HMCN1: variants seen among roughly 807,000 people sequenced by gnomAD.
HMCN1 encodes the protein hemicentin-1.
HMCN1 carries 321 observed loss-of-function variants against 625.9 expected under a neutral mutation model. That is an observed-to-expected ratio of 0.51 (90% CI 0.47 to 0.56). The LOEUF is 0.56. Ranked by LOEUF, HMCN1 falls within the 20% of genes least tolerant of loss-of-function variation. The probability of loss-of-function intolerance (pLI) is 0.00; values close to 1 mark genes in which losing one functional copy is unlikely to be tolerated. For synonymous variants in HMCN1, 2,425 were observed against 2,417.6 expected, an observed-to-expected ratio of 1.00 and a Z score of -0.09; for missense variants, 6,588 against 6,887.3, an observed-to-expected ratio of 0.96 and a Z score of 1.54.
At chr1:185,899,602 G>C (rs1665689941) in intron 4 of HMCN1, among the ~76,000 whole-genome samples, 2 of 152,082 alleles carry the variant, frequency 1.3e-5, no homozygotes, top group Non-Finnish European at 2.9e-5. Context: ...GAATAGAAGG[G>C]ATTTTGGAGA....
intron 16 of HMCN1, among the ~76,000 whole-genome samples, chr1:185,980,276 C>T (rs1022265921): frequency 3.9e-5 from 6 of 152,154 alleles, no homozygotes; most frequent in African/African-American, 1.4e-4. Flanking sequence ...AATGCAGACT[C>T]ATGCAGGAGT....
chr1:185,757,044 G>A (rs564842593), intron 1 of HMCN1, among the ~76,000 whole-genome samples: 6 of 152,104 alleles, frequency 3.9e-5, no homozygotes, highest in South Asian at 2.1e-4. Context: ...GCGCAATCTC[G>A]GCTCACTGCA....
At chr1:185,954,411 C>G (rs1649469685) in intron 11 of HMCN1, among the ~76,000 whole-genome samples, 1 of 151,760 alleles carries the variant, frequency 6.6e-6, no homozygotes, top group African/African-American at 2.4e-5. Context: ...TCTTTCTTCT[C>G]CTGAGTACTG....
rs370103815 is a variant in HMCN1 at position 186,038,796 on chromosome 1, T to G, written c.5852-33T>G. 6.8e-5 allele frequency: 96 copies of G among 1,413,982 alleles called. No individual in the cohort carries two copies. In the African/African-American group the frequency reaches 1.0e-3, roughly 15 times the overall value. The allele number at this position is 1,413,982 out of a possible 1,614,324, so 87.6% of individuals were successfully genotyped here. ...TAGTATATTTAATTTAAAAAATTTT[T>G]ACATAGATCATCTTCTCCCCTTCTT... On this transcript the variant is annotated intron_variant, in intron 37 of 106. Coordinates refer to ENST00000271588, the MANE Select transcript of HMCN1 (RefSeq NM_031935.3).
intron 4 of HMCN1, among the ~76,000 whole-genome samples, chr1:185,878,892 G>A (rs12239587): frequency 0.071 from 10,836 of 152,188 alleles, 1,351 homozygotes; most frequent in African/African-American, 0.25. Context: ...ATCATCCTAT[G>A]TTCAGACTGT....
chr1:185,821,791 G>A (rs1245515508), intron 1 of HMCN1, among the ~76,000 whole-genome samples: 1 of 150,758 alleles, frequency 6.6e-6, no homozygotes, highest in Non-Finnish European at 1.5e-5. Context: ...GCTGGCATGG[G>A]GAATTGCCTT....
At chr1:185,742,241 A>C (rs1202886431) in intron 1 of HMCN1, among the ~76,000 whole-genome samples, 1 of 152,194 alleles carries the variant, frequency 6.6e-6, no homozygotes, top group Non-Finnish European at 1.5e-5. Flanking sequence ...TCATTATAAT[A>C]TAAAGAAAAA....
intron 77 of HMCN1, among the ~76,000 whole-genome samples, chr1:186,117,889 G>A (rs1471399392): frequency 2.0e-5 from 3 of 152,122 alleles, no homozygotes; most frequent in Middle Eastern, 3.2e-3. Flanking sequence ...GTATTTATGT[G>A]TATATTTACC....
Position 185,875,570 on chromosome 1 carries a change from G to A in HMCN1, c.621+9707G>A, listed in dbSNP as rs545150518. Reference sequence around the variant, plus strand: ...CTCTTCATATATTACAATGACTGTTGCCTCAGTCTTCATTTCCTTGTGTAA... The same window carrying A: ...CTCTTCATATATTACAATGACTGTTACCTCAGTCTTCATTTCCTTGTGTAA... On this transcript the variant is annotated intron_variant, in intron 4 of 106. Transcript: ENST00000271588. Among the ~76,000 whole-genome samples the A allele has an allele frequency of 5.9e-5, 9 of 152,084 alleles. No homozygotes were observed. The South Asian group carries it at 1.9e-3, about 32-fold the overall frequency.
intron 103 of HMCN1, 36 bp from the exon 104 acceptor site, chr1:186,178,379 CT>C (rs146846253): frequency 6.6e-5 from 94 of 1,423,390 alleles, no homozygotes; most frequent in South Asian, 1.0e-4. Flanking sequence ...ATGTATGTGT[CT>C]TTTTTTTTCT....
rs367769378 is a variant in HMCN1, at chr1:186,074,840, G to A, written c.8239G>A (p.Ala2747Thr). ...AGACACCGGACGATATACTTGTGTA[G>A]CATCTAACATTGCAGGTGAAGATGA... Reference protein sequence around the residue: ...ISDTGRYTCVASNIAGEDELD... With the variant: ...ISDTGRYTCVTSNIAGEDELD... The change falls in exon 53 of 107, where the codon GCA (alanine) becomes ACA (threonine). Residue 2747 changes from alanine (A) to threonine (T), a missense_variant. Physicochemically the swap from Ala to Thr is moderately conservative, Grantham distance 58 (BLOSUM62 0). Coordinates refer to ENST00000271588, the MANE Select transcript of HMCN1 (RefSeq NM_031935.3). 6.0e-5 allele frequency: 97 copies of A among 1,612,898 alleles called. No homozygotes were observed. Among genetic ancestry groups the A allele is most frequent in the Non-Finnish European group, 8.1e-5 (95 of 1,179,300 alleles).
chr1:186,171,915 A>G, intron 101 of HMCN1, 91 bp from the exon 102 acceptor site: 1 of 1,187,300 alleles, frequency 8.4e-7, no homozygotes, highest in South Asian at 1.3e-5. Context: ...GTATATATAA[A>G]TAATATCCCT....
chr1:186,041,747 AC>A lies in HMCN1; in HGVS notation c.6304+613del, dbSNP rs924530244. Among the ~76,000 whole-genome samples the A allele has an allele frequency of 3.9e-5, 6 of 152,042 alleles. No homozygotes were observed. The South Asian group carries it at 6.2e-4, about 16-fold the overall frequency. ...AGCTTTTCAGCCCACATTCCAGTAT[AC>A]CTTTACATTCAGAACTCTTTTAGAC... On this transcript the variant is annotated intron_variant, in intron 40 of 106. Transcript: ENST00000271588.
Position 185,735,044 on chromosome 1 carries a change from C to G in HMCN1, c.265C>G (p.Pro89Ala), listed in dbSNP as rs1653463110. The G allele has an allele frequency of 6.2e-7, 1 of 1,613,922 alleles. No homozygotes were observed. Among genetic ancestry groups the G allele is most frequent in the Non-Finnish European group, 8.5e-7 (1 of 1,179,814 alleles). ...CTTTGCGTTGGTGCCTTTCCATGAT[C>G]CAGGTAAGGGAAATATTTATACTTT... is the stretch of plus-strand genomic sequence containing the variant. ...FNFALVPFHD[P>A]EIGPVTITTD... The change falls in exon 1 of 107, where the codon CCA becomes GCA. Residue 89 changes from proline (P) to alanine (A), a missense_variant. Coordinates refer to ENST00000271588, the MANE Select transcript of HMCN1 (RefSeq NM_031935.3).
Position 185,975,906 on chromosome 1 carries a change from A to G in HMCN1, c.2372-1881A>G, listed in dbSNP as rs191163790. Among the ~76,000 whole-genome samples the G allele has an allele frequency of 3.2e-3, 483 of 152,054 alleles. 4 individuals carry two copies. Among genetic ancestry groups the G allele is most frequent in the African/African-American group, 0.011 (443 of 41,474 alleles). On this transcript the variant is annotated intron_variant, in intron 15 of 106. Coordinates refer to ENST00000271588, the MANE Select transcript of HMCN1 (RefSeq NM_031935.3). Reference sequence around the variant, plus strand: ...GCACCAGACACACACACACACACACACGCACACACACACTGTGTTATTACT... The same window carrying G: ...GCACCAGACACACACACACACACACGCGCACACACACACTGTGTTATTACT...
chr1:185,843,403 T>A (rs1661612517), intron 1 of HMCN1, among the ~76,000 whole-genome samples: 1 of 152,188 alleles, frequency 6.6e-6, no homozygotes, highest in Non-Finnish European at 1.5e-5. Flanking sequence ...AGTGAGCGCC[T>A]GGATTACCTT....
chr1:186,087,708 GGA>G, intron 60 of HMCN1, 63 bp downstream of exon 60: 3 of 1,472,642 alleles, frequency 2.0e-6, no homozygotes, highest in Non-Finnish European at 2.8e-6. Flanking sequence ...AAAGATGCTT[GGA>G]AGTTGCATAT....
rs1654196205 is a variant in HMCN1 at position 185,744,026 on chromosome 1, T to C, written c.268+8979T>C. On this transcript the variant is annotated intron_variant, in intron 1 of 106. Transcript: ENST00000271588. ...TTTTTTGAGACGGAGTCTCACTCTGTCTCCCAGGCTGGAGTGCAGTGGCGC... is the reference window on the plus strand; with the variant it reads ...TTTTTTGAGACGGAGTCTCACTCTGCCTCCCAGGCTGGAGTGCAGTGGCGC... Among the ~76,000 whole-genome samples the C allele has an allele frequency of 2.8e-5, 4 of 144,678 alleles. 1 individual carries two copies. The South Asian group carries it at 9.1e-4, about 33-fold the overall frequency. The allele number at this position is 144,678 out of a possible 152,430, so 94.9% of individuals were successfully genotyped here.
intron 57 of HMCN1, 119 bp downstream of exon 57, chr1:186,083,080 A>G: frequency 2.2e-6 from 1 of 455,550 alleles, no homozygotes; most frequent in South Asian, 6.8e-5. Context: ...AGGAGCCTAT[A>G]CTCATTCAAT....
Sources: gnomAD v4.1 joint callset for allele counts (sites outside exome capture counted in the v4.1 genomes callset) on GRCh38, gnomAD v4.1.1 for gene constraint, MANE v1.5 for transcripts, NCBI Gene and HGNC (gene_info 2026-07-23, HGNC 2026-07-21) for gene names.